The following HTT variants were observed in gnomAD, a reference collection of about 807,000 sequenced individuals.
HTT encodes the protein huntington disease protein.
A neutral mutation model predicts 362.3 loss-of-function variants in HTT; 104 were observed. That is an observed-to-expected ratio of 0.29 (90% CI 0.24 to 0.34). The LOEUF is 0.34. Among genes scored for constraint, HTT ranks in the 10% least tolerant of loss-of-function variants. The pLI is 1.00. For synonymous variants in HTT, 1,577 were observed against 1,548.7 expected, an observed-to-expected ratio of 1.02 and a Z score of -0.43; for missense variants, 3,301 against 3,928.6, an observed-to-expected ratio of 0.84 and a Z score of 4.27.
intron 57 of HTT, among the ~76,000 whole-genome samples, chr4:3,226,250 C>G (rs951130115): frequency 3.3e-5 from 5 of 152,192 alleles, no homozygotes; most frequent in Non-Finnish European, 7.3e-5. Context: ...AGGCAGACAG[C>G]TCGGCCACTT....
In HTT at chr4:3,125,935, T is replaced by C. The variant is rs529303061; in HGVS notation, c.1402+306T>C. Among the ~76,000 whole-genome samples the C allele has an allele frequency of 2.6e-5, 4 of 152,282 alleles. 1 individual carries two copies. In the East Asian group the frequency reaches 7.7e-4, roughly 29 times the overall value. On this transcript the variant is annotated intron_variant, in intron 11 of 66. Coordinates refer to ENST00000355072, the MANE Select transcript of HTT (RefSeq NM_001388492.1). ...AGGTCGAAACATCTCATGAGTTGGA[T>C]GGGTTATGCTGGGGGTTGGGAAATG...
chr4:3,147,219 C>A (rs139558832), intron 25 of HTT, among the ~76,000 whole-genome samples: 1 of 152,166 alleles, frequency 6.6e-6, no homozygotes, highest in African/African-American at 2.4e-5. Flanking sequence ...TTAATGGGCA[C>A]CATATGCCAG....
rs557224169 is a variant in HTT at position 3,158,800 on chromosome 4, G to A, written c.3754-1482G>A. Among the ~76,000 whole-genome samples, 8 of 152,004 alleles carry A rather than the reference G, an allele frequency of 5.3e-5. No homozygotes were observed. In the South Asian group the frequency reaches 1.7e-3, roughly 32 times the overall value. ...CATGTCAGCTCCCAAAGCAGAAGAC[G>A]GCATGTTGAAAAATGCCGTAGAGAA... On this transcript the variant is annotated intron_variant, in intron 28 of 66. Coordinates refer to ENST00000355072, the MANE Select transcript of HTT (RefSeq NM_001388492.1).
intron 23 of HTT, among the ~76,000 whole-genome samples, 184 bp from the exon 24 acceptor site, chr4:3,144,968 A>T (rs1716529426): frequency 6.6e-6 from 1 of 152,190 alleles, no homozygotes; most frequent in African/African-American, 2.4e-5. Flanking sequence ...CCATTCTGAT[A>T]ACACGTGTTT....
chr4:3,145,348 A>G (rs1489943472), intron 24 of HTT, 120 bp downstream of exon 24: 3 of 731,342 alleles, frequency 4.1e-6, no homozygotes, highest in African/African-American at 3.5e-5. Flanking sequence ...TTTTGGAAAA[A>G]TATCTGATGG....
intron 23 of HTT, among the ~76,000 whole-genome samples, chr4:3,143,452 AAAAG>A (rs1578533767): frequency 1.3e-5 from 2 of 149,806 alleles, no homozygotes; most frequent in African/African-American, 2.5e-5. Flanking sequence ...AAAAAAAAAA[AAAAG>A]AAAAGAAAAA....
intron 42 of HTT, among the ~76,000 whole-genome samples, chr4:3,205,148 C>G (rs543392144): frequency 4.6e-5 from 7 of 151,822 alleles, no homozygotes; most frequent in Non-Finnish European, 1.0e-4. Context: ...GGAGAATTTA[C>G]AAAAAAACAA....
intron 40 of HTT, among the ~76,000 whole-genome samples, chr4:3,196,968 T>A (rs765133903): frequency 2.6e-5 from 4 of 152,152 alleles, no homozygotes; most frequent in Non-Finnish European, 5.9e-5. Context: ...CTCTTGTTTC[T>A]CAAGCCATGG....
rs1270093686 is a variant in HTT, at chr4:3,214,062, C to T, written c.6879C>T (p.Ser2293=). The part of the protein sequence containing the change: ...CLALQLPGLW[S]VVSSTEFVTH... ...CCCTGCAGCTGCCTGGCCTCTGGAG[C>T]GTGGTCTCCTCCACAGAGTTTGTGA... The change falls in exon 50 of 67, where the codon AGC becomes AGT. Residue 2293 remains serine, a synonymous_variant. Transcript: ENST00000355072. The T allele has an allele frequency of 3.7e-6, 6 of 1,609,180 alleles. No individual in the cohort carries two copies. The highest frequency in any genetic ancestry group is 2.7e-5 in the African/African-American group (2 of 74,748).
At chr4:3,232,339 G>T (rs1404267058) in intron 60 of HTT, among the ~76,000 whole-genome samples, 1 of 152,160 alleles carries the variant, frequency 6.6e-6, no homozygotes, top group Non-Finnish European at 1.5e-5. Flanking sequence ...ACAAGAGGCC[G>T]CCTGGCCATC....
chr4:3,228,516 T>TA lies in HTT; in HGVS notation c.7849-98dup. On this transcript the variant is annotated intron_variant, in intron 57 of 66. Coordinates refer to ENST00000355072, the MANE Select transcript of HTT (RefSeq NM_001388492.1). The surrounding 1 kb of genome is among the most constrained non-coding windows in gnomAD (Gnocchi z 4.3). ...CGACCCTTGCTAAGGGGCAGACTGT[T>TA]AGACGGTAGGCATGTGCTGAGTCCC... 7.3e-7 allele frequency: 1 copy of TA among 1,377,226 alleles called. No individual in the cohort carries two copies. The highest frequency in any genetic ancestry group is 9.8e-7 in the Non-Finnish European group (1 of 1,019,584). 85.3% of individuals were successfully genotyped at this position (1,377,226 alleles called of 1,614,324 possible).
At chr4:3,151,182 C>T (rs944431623) in intron 26 of HTT, among the ~76,000 whole-genome samples, 1 of 152,160 alleles carries the variant, frequency 6.6e-6, no homozygotes, top group African/African-American at 2.4e-5. Flanking sequence ...TCTCACACTT[C>T]TGTAAAGACA....
At chr4:3,161,125 T>C (rs979487693) in intron 29 of HTT, among the ~76,000 whole-genome samples, 4 of 152,186 alleles carry the variant, frequency 2.6e-5, no homozygotes, top group African/African-American at 4.8e-5. Flanking sequence ...CCTGTGCCCA[T>C]GTGTTCTCAT....
At chr4:3,179,693 G>GAGTGTGTGCTCA (rs1718412186) in intron 35 of HTT, among the ~76,000 whole-genome samples, 1 of 150,446 alleles carries the variant, frequency 6.6e-6, no homozygotes, top group East Asian at 2.0e-4. Flanking sequence ...GTGTGCCTCT[G>GAGTGTGTGCTCA]TGTGTGTGCT....
chr4:3,230,144 T>C, intron 60 of HTT, 102 bp downstream of exon 60: 1 of 998,246 alleles, frequency 1.0e-6, no homozygotes, highest in East Asian at 2.4e-5. Context: ...GCTGCCTCCT[T>C]CCAAGAGTTG....
At chr4:3,150,514 A>G in intron 26 of HTT, among the ~76,000 whole-genome samples, 1 of 152,068 alleles carries the variant, frequency 6.6e-6, no homozygotes, top group East Asian at 1.9e-4. Flanking sequence ...ACACGGTGTG[A>G]TGAGCTCAGC....
intron 40 of HTT, among the ~76,000 whole-genome samples, chr4:3,191,154 G>GCTTGCTTTCTTT (rs1718992442): frequency 6.8e-6 from 1 of 147,840 alleles, no homozygotes; most frequent in African/African-American, 2.5e-5. Context: ...TACTGCTTGA[G>GCTTGCTTTCTTT]CTTTCTTTCT....
chr4:3,134,447 T>C lies in HTT; in HGVS notation c.2540T>C (p.Leu847Pro). ...LCSSSYSELG[L>P]QLIIDVLTLR... is the part of the protein sequence containing the mutation. ...AGCAGCAGCTACAGTGAGTTAGGAC[T>C]GCAGCTGATCATCGATGTGCTGACT... The change falls in exon 19 of 67, where the codon CTG becomes CCG. Residue 847 changes from leucine (L) to proline (P), a missense_variant. By Grantham distance (98) the Leu-to-Pro change is moderately conservative (BLOSUM62 -3). Around this residue, in one of 4 missense-constraint regions of HTT, gnomAD observed 2,316 missense variants for 2,658.5 expected, o/e 0.87. Transcript: ENST00000355072. The C allele has an allele frequency of 1.2e-6, 2 of 1,614,100 alleles. No individual in the cohort carries two copies. The highest frequency in any genetic ancestry group is 1.7e-6 in the Non-Finnish European group (2 of 1,179,920).
intron 29 of HTT, among the ~76,000 whole-genome samples, chr4:3,163,491 A>T (rs1212218353): frequency 6.6e-6 from 1 of 152,210 alleles, no homozygotes; most frequent in Non-Finnish European, 1.5e-5. Flanking sequence ...GAATAGTTTC[A>T]GAAGGAATGG....
Sources: allele counts gnomAD v4.1 joint callset (sites outside exome capture counted in the v4.1 genomes callset), GRCh38; gene constraint gnomAD v4.1.1; regional missense constraint gnomAD v4.1.1; non-coding constraint Gnocchi (gnomAD v3.1); transcripts MANE v1.5; gene names NCBI Gene and HGNC (gene_info 2026-07-23, HGNC 2026-07-21).